Variants in IQCM observed in about 807,000 individuals in gnomAD.
IQCM encodes IQ motif containing M.
A neutral mutation model predicts 57.6 loss-of-function variants in IQCM; 45 were observed. The ratio of observed to expected loss-of-function variants is 0.78; its 90% CI spans 0.62 to 1.00. The LOEUF (loss-of-function observed/expected upper bound fraction) is 1.00. Ranked by LOEUF, IQCM falls within the 50% of genes least tolerant of loss-of-function variation. The probability of loss-of-function intolerance (pLI) is 0.00; values close to 1 mark genes in which losing one functional copy is unlikely to be tolerated. For synonymous variants in IQCM, 148 were observed against 158.9 expected, an observed-to-expected ratio of 0.93 and a Z score of 0.51; for missense variants, 468 against 511.6, an observed-to-expected ratio of 0.91 and a Z score of 0.82.
intron 13 of IQCM, among the ~76,000 whole-genome samples, chr4:149,427,269 A>G (rs910728694): frequency 1.3e-5 from 2 of 152,012 alleles, no homozygotes; most frequent in South Asian, 2.1e-4. Context: ...TGCCAAGTAT[A>G]TAGTAGACAC....
intron 8 of IQCM, among the ~76,000 whole-genome samples, chr4:149,604,253 T>C (rs1409285181): frequency 2.0e-5 from 3 of 152,158 alleles, no homozygotes; most frequent in Non-Finnish European, 4.4e-5. Flanking sequence ...AATTTTAAAT[T>C]TTCAGAATTC....
Position 149,765,500 on chromosome 4 carries a change from G to T in IQCM, c.-48-22761C>A, listed in dbSNP as rs142107902. 1.1e-4 allele frequency among the ~76,000 whole-genome samples: 16 copies of T among 152,144 alleles called. No homozygotes were observed. The East Asian group carries it at 2.9e-3, about 28-fold the overall frequency. ...GTCCTGGGTGGAGGTCAAGCTAACA[G>T]AAATTATAGTTTCACTTTAAAGCAA... On this transcript the variant is annotated intron_variant, in intron 2 of 13. Coordinates refer to ENST00000636793, the MANE Select transcript of IQCM (RefSeq NM_001363507.2).
chr4:149,481,696 G>GTTTTTTTTTTT (rs1197852884), intron 12 of IQCM, among the ~76,000 whole-genome samples: 10 of 33,610 alleles, frequency 3.0e-4, no homozygotes, highest in South Asian at 1.4e-3. Context: ...GATTCTTCCA[G>GTTTTTTTTTTT]TTTTGTTTTT....
At chr4:149,394,039 C>G (rs1026831223) in intron 13 of IQCM, among the ~76,000 whole-genome samples, 1 of 151,986 alleles carries the variant, frequency 6.6e-6, no homozygotes, top group African/African-American at 2.4e-5. Flanking sequence ...ACATGCATTT[C>G]TTCATTGTGT....
chr4:149,528,312 A>G (rs1746381809), intron 12 of IQCM, among the ~76,000 whole-genome samples: 1 of 152,146 alleles, frequency 6.6e-6, no homozygotes. Flanking sequence ...TAGAATACTC[A>G]GTTGTCTCAA....
intron 2 of IQCM, among the ~76,000 whole-genome samples, chr4:149,752,500 C>G (rs769357694): frequency 6.8e-6 from 1 of 148,082 alleles, no homozygotes; most frequent in Admixed American, 6.8e-5. Context: ...TCTAGTGAGC[C>G]GAGATCACAC....
chr4:149,472,976 G>C (rs1169315993), intron 12 of IQCM, among the ~76,000 whole-genome samples: 6 of 152,282 alleles, frequency 3.9e-5, no homozygotes, highest in Non-Finnish European at 1.5e-5. Flanking sequence ...ATTAATTCAA[G>C]ATGGATTAAA....
At chr4:149,555,280 T>A (rs940316225) in intron 10 of IQCM, among the ~76,000 whole-genome samples, 2 of 152,190 alleles carry the variant, frequency 1.3e-5, no homozygotes, top group Non-Finnish European at 2.9e-5. Context: ...TCCCTACATA[T>A]GAATCTTAGT....
At chr4:149,560,404 C>G (rs1263368607) in intron 10 of IQCM, among the ~76,000 whole-genome samples, 1 of 151,700 alleles carries the variant, frequency 6.6e-6, no homozygotes, top group Non-Finnish European at 1.5e-5. Context: ...ACATTTTTAG[C>G]CAATAGCAAT....
Position 149,682,203 on chromosome 4 carries a change from G to A in IQCM, c.480C>T (p.Asn160=). The A allele has an allele frequency of 8.3e-7, 1 of 1,208,806 alleles. No individual in the cohort carries two copies. Among genetic ancestry groups the A allele is most frequent in the Non-Finnish European group, 1.0e-6 (1 of 967,378 alleles). 74.9% of individuals were successfully genotyped at this position (1,208,806 alleles called of 1,614,324 possible). ...AKQQHFEESR[N]RMLELLYPFP... ...AGGGATAGAGTAATTCCAACATTCT[G>A]TTTCTGAAACATTAAGTTGGATCTT... Residue 160 remains asparagine, a synonymous_variant, in exon 7 of 14, where the codon AAC becomes AAT. Coordinates refer to ENST00000636793, the MANE Select transcript of IQCM (RefSeq NM_001363507.2).
intron 13 of IQCM, chr4:149,430,095 A>C (rs566409506): frequency 1.1e-6 from 1 of 938,022 alleles, no homozygotes; most frequent in Admixed American, 4.3e-5. Flanking sequence ...CTTTCAACTT[A>C]AGTTATTCTT....
intron 5 of IQCM, 27 bp downstream of exon 5, chr4:149,733,217 A>G: frequency 1.6e-6 from 2 of 1,231,062 alleles, no homozygotes; most frequent in Non-Finnish European, 2.0e-6. Flanking sequence ...GAGTTTGCTG[A>G]ATTTCTTCAC....
At chr4:149,379,093 T>C (rs1730896008) in intron 13 of IQCM, among the ~76,000 whole-genome samples, 1 of 152,192 alleles carries the variant, frequency 6.6e-6, no homozygotes, top group Admixed American at 6.5e-5. Context: ...AAGTCAAGAA[T>C]TGAGGTTTGG....
rs184106851 is a variant in IQCM at position 149,571,398 on chromosome 4, G to A, written c.750-7508C>T. ...AGTGAAATATGCCAGATACAGAAAG[G>A]CAAATACCACATGACCTCACTCATG... On this transcript the variant is annotated intron_variant, in intron 9 of 13. Transcript: ENST00000636793. Among the ~76,000 whole-genome samples the A allele has an allele frequency of 8.0e-4, 121 of 152,126 alleles. 1 individual carries two copies. Among genetic ancestry groups the A allele is most frequent in the Admixed American group, 7.9e-3 (121 of 15,264 alleles).
intron 2 of IQCM, among the ~76,000 whole-genome samples, chr4:149,782,168 C>T (rs1343356956): frequency 2.0e-5 from 3 of 152,016 alleles, no homozygotes; most frequent in African/African-American, 7.3e-5. Context: ...GAAAAATTTA[C>T]CCATTCTGCC....
At chr4:149,726,127 G>GAAAGAAAGAAAGAAAGAAAGA (rs1561203900) in intron 5 of IQCM, among the ~76,000 whole-genome samples, 3 of 142,176 alleles carry the variant, frequency 2.1e-5, no homozygotes, top group South Asian at 2.3e-4. Flanking sequence ...AAGAAAGAAA[G>GAAAGAAAGAAAGAAAGAAAGA]AAAGAAAGAA....
At chr4:149,679,382 GA>G (rs1336546667) in intron 7 of IQCM, among the ~76,000 whole-genome samples, 3 of 151,446 alleles carry the variant, frequency 2.0e-5, no homozygotes, top group Admixed American at 6.6e-5. Context: ...GAAGGGCAGG[GA>G]GGAGAAAAGA....
intron 13 of IQCM, among the ~76,000 whole-genome samples, chr4:149,395,135 G>A (rs551343665): frequency 6.6e-6 from 1 of 152,114 alleles, no homozygotes; most frequent in South Asian, 2.1e-4. Flanking sequence ...AAATGGGAAA[G>A]ATGTCATGAA....
chr4:149,575,107 G>A (rs1751509525), intron 9 of IQCM, among the ~76,000 whole-genome samples: 1 of 151,914 alleles, frequency 6.6e-6, no homozygotes, highest in South Asian at 2.1e-4. Context: ...ACCAAGCTGT[G>A]TCGAGGGCTT....
Sources: allele counts gnomAD v4.1 joint callset (sites outside exome capture counted in the v4.1 genomes callset), GRCh38; gene constraint gnomAD v4.1.1; transcripts MANE v1.5; gene names NCBI Gene and HGNC (gene_info 2026-07-23, HGNC 2026-07-21).